Variants in ITGB8 observed in about 807,000 individuals in gnomAD.
The protein encoded by ITGB8 is integrin subunit beta 8.
ITGB8 carries 30 observed loss-of-function variants against 89.5 expected under a neutral mutation model. The ratio of observed to expected loss-of-function variants is 0.34; its 90% confidence interval spans 0.25 to 0.45. The LOEUF (loss-of-function observed/expected upper bound fraction) is 0.45, where lower values mean the gene tolerates loss of function less well. Among genes scored for constraint, ITGB8 ranks in the 20% least tolerant of loss-of-function variants. The pLI is 1.00. For missense variants in ITGB8, 836 were observed against 933.3 expected, an observed-to-expected ratio of 0.90 and a Z score of 1.36; for synonymous variants, 335 against 320.4, an observed-to-expected ratio of 1.05 and a Z score of -0.49.
Position 20,349,897 on chromosome 7 carries a change from T to C in ITGB8, c.128-13740T>C, listed in dbSNP as rs566957868. 4.6e-5 allele frequency among the ~76,000 whole-genome samples: 7 copies of C among 152,304 alleles called. No individual in the cohort carries two copies. The East Asian group carries it at 1.2e-3, about 25-fold the overall frequency. On this transcript the variant is annotated intron_variant, in intron 1 of 13. Transcript: ENST00000222573. ...TATAATGTACATCAATAAACTGTAT[T>C]TATTTAAAATGTCAGTGGATGAGTT... is the stretch of plus-strand genomic sequence containing the variant.
intron 3 of ITGB8, among the ~76,000 whole-genome samples, chr7:20,368,095 G>A (rs1255728035): frequency 3.3e-5 from 5 of 152,050 alleles, no homozygotes; most frequent in Admixed American, 3.3e-4. Flanking sequence ...ATTTCTTCCA[G>A]ACTCTGATTA....
intron 10 of ITGB8, among the ~76,000 whole-genome samples, chr7:20,404,021 A>G (rs980360237): frequency 2.7e-4 from 41 of 152,134 alleles, no homozygotes; most frequent in African/African-American, 9.7e-4. Flanking sequence ...TTCATTTACC[A>G]TCTAAGAACT....
At chr7:20,388,650 A>G (rs765077505) in intron 6 of ITGB8, among the ~76,000 whole-genome samples, 4 of 146,436 alleles carry the variant, frequency 2.7e-5, no homozygotes, top group Non-Finnish European at 6.0e-5. Flanking sequence ...TCTTTTTTTT[A>G]TTATACTTTA....
At chr7:20,404,316 T>C (rs1174264417) in intron 10 of ITGB8, among the ~76,000 whole-genome samples, 1 of 152,244 alleles carries the variant, frequency 6.6e-6, no homozygotes, top group East Asian at 1.9e-4. Context: ...TTTCTTGATA[T>C]GTGTGTTTTT....
At chr7:20,395,055 A>ACTTT in intron 8 of ITGB8, 70 bp downstream of exon 8, 3 of 854,704 alleles carry the variant, frequency 3.5e-6, no homozygotes, top group Non-Finnish European at 5.7e-6. Flanking sequence ...GGTACAAAGT[A>ACTTT]GTGCCATGTC....
At chr7:20,373,539 A>G (rs1478010137) in intron 3 of ITGB8, among the ~76,000 whole-genome samples, 1 of 151,684 alleles carries the variant, frequency 6.6e-6, no homozygotes, top group African/African-American at 2.4e-5. Flanking sequence ...GTGTAGATTT[A>G]GTAAGATTTT....
chr7:20,348,535 A>G (rs575021260), intron 1 of ITGB8, among the ~76,000 whole-genome samples: 7 of 152,296 alleles, frequency 4.6e-5, no homozygotes, highest in Non-Finnish European at 1.0e-4. Context: ...TCCGTTATCC[A>G]GTGACTCCTC....
chr7:20,345,562 A>G (rs1784897033), intron 1 of ITGB8, among the ~76,000 whole-genome samples: 1 of 152,172 alleles, frequency 6.6e-6, no homozygotes, highest in African/African-American at 2.4e-5. Context: ...CAAGACAGTA[A>G]GAGAGTTAGC....
At chr7:20,387,671 G>C (rs542408394) in intron 6 of ITGB8, among the ~76,000 whole-genome samples, 2 of 152,234 alleles carry the variant, frequency 1.3e-5, no homozygotes, top group African/African-American at 4.8e-5. Flanking sequence ...TTGAGACCAG[G>C]GTGCTGTTAA....
intron 1 of ITGB8, among the ~76,000 whole-genome samples, chr7:20,358,762 C>T (rs938172255): frequency 6.6e-6 from 1 of 152,042 alleles, no homozygotes; most frequent in Non-Finnish European, 1.5e-5. Context: ...AGGTTTGTTA[C>T]CTGGTATATT....
intron 12 of ITGB8, among the ~76,000 whole-genome samples, chr7:20,408,782 G>C (rs1223315072): frequency 6.6e-6 from 1 of 152,096 alleles, no homozygotes; most frequent in Admixed American, 6.5e-5. Flanking sequence ...CAGATCTTTG[G>C]CTGTGAGGGT....
chr7:20,340,749 A>G (rs764260617), intron 1 of ITGB8, among the ~76,000 whole-genome samples: 2 of 152,200 alleles, frequency 1.3e-5, no homozygotes, highest in Non-Finnish European at 2.9e-5. Context: ...TGTTACAGGT[A>G]CTAGGTAGGG....
intron 1 of ITGB8, among the ~76,000 whole-genome samples, chr7:20,356,269 C>G (rs891817569): frequency 2.0e-5 from 3 of 152,094 alleles, no homozygotes; most frequent in African/African-American, 7.2e-5. Flanking sequence ...TAGGTCATGG[C>G]AAGTGATTAG....
chr7:20,361,183 C>T (rs1342434060), intron 1 of ITGB8, among the ~76,000 whole-genome samples: 4 of 152,040 alleles, frequency 2.6e-5, no homozygotes, highest in Non-Finnish European at 4.4e-5. Flanking sequence ...TGTTCTTTAT[C>T]CACTTTTTGA....
chr7:20,343,030 C>T (rs1784814029), intron 1 of ITGB8, among the ~76,000 whole-genome samples: 1 of 152,176 alleles, frequency 6.6e-6, no homozygotes, highest in Admixed American at 6.5e-5. Context: ...TGAAAGGCAG[C>T]TTGCAGATCT....
At chr7:20,368,952 T>A (rs1486651403) in intron 3 of ITGB8, among the ~76,000 whole-genome samples, 1 of 152,226 alleles carries the variant, frequency 6.6e-6, no homozygotes, top group Non-Finnish European at 1.5e-5. Flanking sequence ...TTAATCTACC[T>A]GATTCTTCAG....
chr7:20,353,931 C>CAAAAAAAAA (rs1158594685), intron 1 of ITGB8, among the ~76,000 whole-genome samples: 145 of 55,446 alleles, frequency 2.6e-3, no homozygotes, highest in African/African-American at 4.3e-3. Flanking sequence ...GACTCCGTCT[C>CAAAAAAAAA]AAAAAAAAAA....
In ITGB8 at chr7:20,331,614, G is replaced by C; in HGVS notation, c.-193G>C. On this transcript the variant is annotated 5_prime_UTR_variant, in exon 1 of 14. Coordinates refer to ENST00000222573, the MANE Select transcript of ITGB8 (RefSeq NM_002214.3). ...GTGCCGAGCCGGGAGGGCCGCAGGG[G>C]CCCTGAGATGCCGAGCGGTGCCCGG... The C allele has an allele frequency of 3.6e-6, 2 of 561,234 alleles. No individual in the cohort carries two copies. Among genetic ancestry groups the C allele is most frequent in the South Asian group, 7.5e-5 (2 of 26,568 alleles). The allele number at this position is 561,234 out of a possible 1,614,324, so 34.8% of individuals were successfully genotyped here. A position where few individuals can be genotyped will look rare whatever the true frequency, so the allele number is the denominator to read the frequency against.
intron 6 of ITGB8, among the ~76,000 whole-genome samples, chr7:20,386,489 A>T (rs1015328580): frequency 7.2e-6 from 1 of 138,554 alleles, no homozygotes; most frequent in African/African-American, 2.8e-5. Context: ...AAATCTCCTG[A>T]CCTCATGATC....
Sources: gnomAD v4.1 joint callset for allele counts (sites outside exome capture counted in the v4.1 genomes callset) on GRCh38, gnomAD v4.1.1 for gene constraint, MANE v1.5 for transcripts, NCBI Gene and HGNC (gene_info 2026-07-23, HGNC 2026-07-21) for gene names.